The following GDAP1 variants were observed in gnomAD, a reference collection of about 807,000 sequenced individuals.
The protein encoded by GDAP1 is ganglioside-induced differentiation-associated protein 1.
Under a neutral mutation model 40.1 loss-of-function variants are expected in GDAP1, and 34 were observed. The observed-to-expected ratio is 0.85, with a 90% CI of 0.64 to 1.13. The LOEUF (loss-of-function observed/expected upper bound fraction) is 1.13, where lower values mean the gene tolerates loss of function less well. Among genes scored for constraint, GDAP1 ranks in the 50% most tolerant of loss-of-function variants. GDAP1 has a pLI of 0.00. For synonymous variants in GDAP1, 170 were observed against 157.4 expected, an observed-to-expected ratio of 1.08 and a Z score of -0.60; for missense variants, 374 against 433.7, an observed-to-expected ratio of 0.86 and a Z score of 1.22.
intron 2 of GDAP1, among the ~76,000 whole-genome samples, chr8:74,399,362 T>G (rs745957763): frequency 0.012 from 1,746 of 149,858 alleles, 82 homozygotes; most frequent in African/African-American, 0.021. Context: ...ATTCTCTGAT[T>G]GTAGTTTGTA....
chr8:74,359,644 A>G (rs372624277), intron 2 of GDAP1, among the ~76,000 whole-genome samples: 3 of 152,156 alleles, frequency 2.0e-5, no homozygotes, highest in South Asian at 2.1e-4. Context: ...CAATTAACCA[A>G]ACTTTATTGA....
intron 2 of GDAP1, among the ~76,000 whole-genome samples, chr8:74,426,967 T>C (rs1279723278): frequency 1.3e-5 from 2 of 152,230 alleles, no homozygotes; most frequent in South Asian, 2.1e-4. Flanking sequence ...GTTATAACCA[T>C]GGCCTCTTAT....
At chr8:74,445,594 A>G (rs1806217717) in intron 2 of GDAP1, among the ~76,000 whole-genome samples, 1 of 152,168 alleles carries the variant, frequency 6.6e-6, no homozygotes, top group Non-Finnish European at 1.5e-5. Flanking sequence ...ATGTATATGC[A>G]ATCAGTTTTC....
chr8:74,357,495 C>G (rs532782049), intron 2 of GDAP1, among the ~76,000 whole-genome samples: 1 of 152,228 alleles, frequency 6.6e-6, no homozygotes. Flanking sequence ...TTTATTGTTT[C>G]TTTCTGATTT....
At chr8:74,430,551 T>C (rs1282432411) in intron 2 of GDAP1, among the ~76,000 whole-genome samples, 5 of 152,030 alleles carry the variant, frequency 3.3e-5, no homozygotes, top group African/African-American at 1.2e-4. Flanking sequence ...TGGAGAAAGG[T>C]AGGGTGCACA....
intron 2 of GDAP1, 132 bp downstream of exon 2, chr8:74,351,598 C>T: frequency 1.3e-6 from 1 of 795,602 alleles, no homozygotes; most frequent in Non-Finnish European, 2.2e-6. Context: ...AAAACCTTTT[C>T]CATTTCCATA....
At chr8:74,446,412 G>A (rs1806227490) in intron 2 of GDAP1, among the ~76,000 whole-genome samples, 1 of 152,106 alleles carries the variant, frequency 6.6e-6, no homozygotes, top group South Asian at 2.1e-4. Flanking sequence ...TCTGTGATGG[G>A]TGCTGGAGAC....
chr8:74,365,313 C>A lies in GDAP1; in HGVS notation c.*946C>A, dbSNP rs1455574757. On this transcript the variant is annotated 3_prime_UTR_variant, in exon 6 of 6. Transcript: ENST00000220822. ...ATCAACAAAGACTTGTTAGAAAGGT[C>A]TAGTCTTAGCACTTGGCAGTTAATC... 1 of 453,862 alleles carries A rather than the reference C, an allele frequency of 2.2e-6. No individual in the cohort carries two copies. Among genetic ancestry groups the A allele is most frequent in the Non-Finnish European group, 4.4e-6 (1 of 226,800 alleles). The allele number at this position is 453,862 out of a possible 1,614,324, so 28.1% of individuals were successfully genotyped here. A position where few individuals can be genotyped will look rare whatever the true frequency, so the allele number is the denominator to read the frequency against.
intron 2 of GDAP1, among the ~76,000 whole-genome samples, chr8:74,383,839 GA>G (rs1244622347): frequency 1.3e-5 from 2 of 152,056 alleles, no homozygotes; most frequent in Non-Finnish European, 2.9e-5. Context: ...TGAAATGCCA[GA>G]AAGGAAACAC....
intron 2 of GDAP1, among the ~76,000 whole-genome samples, chr8:74,444,412 C>T (rs1277117096): frequency 6.6e-6 from 1 of 152,134 alleles, no homozygotes; most frequent in Non-Finnish European, 1.5e-5. Context: ...TCTGGGTTGT[C>T]AGTACTCATT....
intron 2 of GDAP1, among the ~76,000 whole-genome samples, chr8:74,482,978 T>C (rs779303410): frequency 3.3e-5 from 5 of 152,166 alleles, no homozygotes; most frequent in Non-Finnish European, 5.9e-5. Context: ...ATTCTGCTTG[T>C]GCCATTTGCT....
At chr8:74,435,356 C>A (rs1042683497) in intron 2 of GDAP1, among the ~76,000 whole-genome samples, 2 of 152,184 alleles carry the variant, frequency 1.3e-5, no homozygotes, top group African/African-American at 4.8e-5. Context: ...GCTAGAGAAA[C>A]ATCCTATTGG....
At chr8:74,354,761 C>A (rs1265123151) in intron 2 of GDAP1, among the ~76,000 whole-genome samples, 3 of 152,176 alleles carry the variant, frequency 2.0e-5, no homozygotes, top group African/African-American at 7.2e-5. Context: ...AGTTGTAACC[C>A]TCTGCATTCT....
At chr8:74,379,044 T>C (rs1195229873) in intron 2 of GDAP1, among the ~76,000 whole-genome samples, 2 of 148,424 alleles carry the variant, frequency 1.3e-5, no homozygotes, top group Admixed American at 1.4e-4. Flanking sequence ...CCCTATGGAC[T>C]CTTACAGGGA....
intron 2 of GDAP1, among the ~76,000 whole-genome samples, chr8:74,443,058 G>A (rs1286754756): frequency 2.0e-5 from 3 of 152,152 alleles, no homozygotes; most frequent in South Asian, 2.1e-4. Context: ...TAAAAATTTG[G>A]AAGAAGTAGT....
intron 2 of GDAP1, among the ~76,000 whole-genome samples, chr8:74,427,347 T>G (rs775320623): frequency 6.6e-6 from 1 of 152,122 alleles, no homozygotes; most frequent in African/African-American, 2.4e-5. Flanking sequence ...TCCTGACCCA[T>G]AGAATTGTGA....
intron 4 of GDAP1, 47 bp from the exon 5 acceptor site, chr8:74,362,892 A>T (rs1809443415): frequency 6.9e-6 from 5 of 727,160 alleles, no homozygotes; most frequent in Non-Finnish European, 1.2e-5. Context: ...TATTTTTTTT[A>T]AAGGTGCAAA....
intron 2 of GDAP1, among the ~76,000 whole-genome samples, chr8:74,404,249 T>C (rs927023042): frequency 6.7e-6 from 1 of 149,682 alleles, no homozygotes; most frequent in Non-Finnish European, 1.5e-5. Context: ...ATAATAGTAT[T>C]AGGTTGGTGC....
intron 2 of GDAP1, among the ~76,000 whole-genome samples, chr8:74,401,705 A>G (rs1320335969): frequency 6.7e-6 from 1 of 149,142 alleles, no homozygotes; most frequent in African/African-American, 2.6e-5. Flanking sequence ...TTGGTCTTTG[A>G]TGATGGTGAT....
Sources: allele counts gnomAD v4.1 joint callset (sites outside exome capture counted in the v4.1 genomes callset), GRCh38; gene constraint gnomAD v4.1.1; transcripts MANE v1.5; gene names NCBI Gene and HGNC (gene_info 2026-07-23, HGNC 2026-07-21).